B4GALT5: variants seen among roughly 807,000 people sequenced by gnomAD.
The protein encoded by B4GALT5 is beta-1,4-galactosyltransferase 5, also known as UDP-Gal:beta-GlcNAc beta-1,4-galactosyltransferase 5.
B4GALT5 carries 11 observed loss-of-function variants against 45.0 expected under a neutral mutation model. That is an observed-to-expected ratio of 0.24 (90% confidence interval 0.15 to 0.40). The LOEUF is 0.40. Ranked by LOEUF, B4GALT5 falls within the 10% of genes least tolerant of loss-of-function variation. B4GALT5 has a pLI of 1.00. For synonymous variants in B4GALT5, 185 were observed against 182.9 expected (o/e 1.01, Z -0.09); for missense variants, 337 against 500.2 (o/e 0.67, Z 3.11).
In B4GALT5 at chr20:49,643,696, G is replaced by A. The variant is rs369348234; in HGVS notation, c.365-46C>T. 3 of 1,586,458 alleles carry A rather than the reference G, an allele frequency of 1.9e-6. No individual in the cohort carries two copies. The African/African-American group carries it at 4.1e-5, about 21-fold the overall frequency. ...GGGATTAAGAGGTCAGAAAATGATA[G>A]GTTTCCCTATGCCTGGGGTTTTAGT... On this transcript the variant is annotated intron_variant, in intron 3 of 8. Transcript: ENST00000371711.
chr20:49,687,099 C>T (rs1405950988), intron 1 of B4GALT5, among the ~76,000 whole-genome samples: 4 of 152,050 alleles, frequency 2.6e-5, no homozygotes, highest in African/African-American at 7.2e-5. Context: ...GGGCATTTTT[C>T]GTTGTCACCA....
intron 7 of B4GALT5, among the ~76,000 whole-genome samples, chr20:49,639,239 G>A (rs1464364766): frequency 1.3e-5 from 2 of 151,886 alleles, no homozygotes; most frequent in African/African-American, 2.4e-5. Flanking sequence ...GTTGATTTTC[G>A]CATGTCAAAG....
intron 1 of B4GALT5, among the ~76,000 whole-genome samples, chr20:49,703,165 CAAAAAA>C (rs11452162): frequency 2.2e-5 from 2 of 91,238 alleles, no homozygotes; most frequent in Admixed American, 2.5e-4. Context: ...GACTCCGTCT[CAAAAAA>C]AAAAAAAAAA....
intron 1 of B4GALT5, among the ~76,000 whole-genome samples, chr20:49,704,052 A>G (rs1325408553): frequency 6.6e-6 from 1 of 152,218 alleles, no homozygotes; most frequent in African/African-American, 2.4e-5. Flanking sequence ...TACATAAGCA[A>G]GACACAACAC....
At chr20:49,654,990 C>A (rs2123015964) in intron 2 of B4GALT5, among the ~76,000 whole-genome samples, 1 of 152,106 alleles carries the variant, frequency 6.6e-6, no homozygotes, top group South Asian at 2.1e-4. Context: ...AAAAAATGAG[C>A]CACGGTGGCT....
Position 49,647,084 on chromosome 20 carries a change from G to C in B4GALT5, c.251-6C>G. On this transcript the variant is annotated splice_polypyrimidine_tract_variant and splice_region_variant and intron_variant, in intron 2 of 8. Coordinates refer to ENST00000371711, the MANE Select transcript of B4GALT5 (RefSeq NM_004776.4). Reference sequence around the variant, plus strand: ...GTTCAAGTCAAGAGGATAATCTAGGGAGGTAAAGGAAAAAAGTCGATCAGA... The same window carrying C: ...GTTCAAGTCAAGAGGATAATCTAGGCAGGTAAAGGAAAAAAGTCGATCAGA... The C allele has an allele frequency of 6.2e-7, 1 of 1,600,434 alleles. No individual in the cohort carries two copies. Among genetic ancestry groups the C allele is most frequent in the Admixed American group, 1.7e-5 (1 of 59,306 alleles).
chr20:49,639,551 T>A, intron 7 of B4GALT5, 127 bp downstream of exon 7: 1 of 1,392,376 alleles, frequency 7.2e-7, no homozygotes, highest in South Asian at 1.4e-5. Context: ...TTCCTTAACC[T>A]TTTAAACTGT....
intron 1 of B4GALT5, among the ~76,000 whole-genome samples, chr20:49,681,216 T>TAAAAAAAA (rs10628956): frequency 1.4e-5 from 1 of 72,462 alleles, no homozygotes; most frequent in Non-Finnish European, 2.4e-5. Context: ...ACCCCATCTC[T>TAAAAAAAA]AAAAAAAAAA....
chr20:49,664,509 A>C (rs2085680724), intron 1 of B4GALT5, among the ~76,000 whole-genome samples: 1 of 151,572 alleles, frequency 6.6e-6, no homozygotes, highest in African/African-American at 2.4e-5. Flanking sequence ...AGGATATTCT[A>C]CAAAATAACT....
At chr20:49,643,922 C>CTTTTTTTTTTTTTTTTTTTTTTTTT (rs138727530) in intron 3 of B4GALT5, among the ~76,000 whole-genome samples, 2 of 52,154 alleles carry the variant, frequency 3.8e-5, no homozygotes, top group African/African-American at 1.7e-4. Flanking sequence ...AGTAGCTGAG[C>CTTTTTTTTTTTTTTTTTTTTTTTTT]TTTTTTTTTT....
At chr20:49,641,638 T>C (rs544432396) in intron 5 of B4GALT5, among the ~76,000 whole-genome samples, 1 of 152,314 alleles carries the variant, frequency 6.6e-6, no homozygotes, top group South Asian at 2.1e-4. Context: ...CACTCCAGTA[T>C]AAGGCAAGCT....
At chr20:49,668,919 T>C (rs1421614037) in intron 1 of B4GALT5, among the ~76,000 whole-genome samples, 1 of 152,112 alleles carries the variant, frequency 6.6e-6, no homozygotes, top group Admixed American at 6.5e-5. Context: ...TGGATTGCAG[T>C]GGCACAAACA....
At position 49,639,565 on chromosome 20, in the gene B4GALT5, T is replaced by C. The variant is rs901481686; in HGVS notation, c.917+113A>G. The C allele has an allele frequency of 2.1e-6, 3 of 1,448,954 alleles. No homozygotes were observed. The African/African-American group carries it at 4.3e-5, about 21-fold the overall frequency. The allele number at this position is 1,448,954 out of a possible 1,614,324, so 89.8% of individuals were successfully genotyped here. A position where few individuals can be genotyped will look rare whatever the true frequency, so the allele number is the denominator to read the frequency against. ...TTTCCTTAACCTTTTAAACTGTAGC[T>C]ACTAGAACATGTTAAATTACACACA... is the stretch of plus-strand genomic sequence containing the variant. On this transcript the variant is annotated intron_variant, in intron 7 of 8. Coordinates refer to ENST00000371711, the MANE Select transcript of B4GALT5 (RefSeq NM_004776.4).
chr20:49,678,852 T>C (rs2085750838), intron 1 of B4GALT5, among the ~76,000 whole-genome samples: 1 of 152,212 alleles, frequency 6.6e-6, no homozygotes, highest in Non-Finnish European at 1.5e-5. Flanking sequence ...GGCTTCCATA[T>C]CCACTTCAAT....
chr20:49,671,310 G>A (rs189077951), intron 1 of B4GALT5, among the ~76,000 whole-genome samples: 1 of 152,300 alleles, frequency 6.6e-6, no homozygotes, highest in Admixed American at 6.5e-5. Context: ...GGGAAGCAGA[G>A]GTTGTGGTGA....
intron 1 of B4GALT5, among the ~76,000 whole-genome samples, chr20:49,710,426 G>C (rs1318648777): frequency 9.9e-6 from 1 of 101,056 alleles, no homozygotes; most frequent in Non-Finnish European, 2.1e-5. Flanking sequence ...TTTTGTGTGT[G>C]TGTGTGTGTA....
rs537440285 is a variant in B4GALT5, at chr20:49,711,799, C to T, written c.115+1777G>A. 7.2e-5 allele frequency among the ~76,000 whole-genome samples: 11 copies of T among 152,248 alleles called. No individual in the cohort carries two copies. The South Asian group carries it at 2.1e-3, about 29-fold the overall frequency. ...ATCTTCCCAGATCTAGTTGATAGTT[C>T]AAAACATCAACATTAACCACAAGTA... On this transcript the variant is annotated intron_variant, in intron 1 of 8. Coordinates refer to ENST00000371711, the MANE Select transcript of B4GALT5 (RefSeq NM_004776.4).
chr20:49,710,378 A>C (rs571523748), intron 1 of B4GALT5, among the ~76,000 whole-genome samples: 1 of 149,694 alleles, frequency 6.7e-6, no homozygotes, highest in Non-Finnish European at 1.5e-5. Context: ...GGCTCAACCT[A>C]ATGTTATTTT....
chr20:49,650,752 A>G (rs962212749), intron 2 of B4GALT5, among the ~76,000 whole-genome samples: 6 of 152,186 alleles, frequency 3.9e-5, no homozygotes, highest in African/African-American at 1.4e-4. Context: ...AGTTATCGTG[A>G]GGAGCCCTTG....
Sources: gnomAD v4.1 joint callset for allele counts (sites outside exome capture counted in the v4.1 genomes callset) on GRCh38, gnomAD v4.1.1 for gene constraint, MANE v1.5 for transcripts, NCBI Gene and HGNC (gene_info 2026-07-23, HGNC 2026-07-21) for gene names.